The following SLC9A9 variants were observed in gnomAD, a reference collection of about 807,000 sequenced individuals.
SLC9A9 encodes the protein solute carrier family 9 member A9.
In SLC9A9, 62 loss-of-function variants were observed where a neutral mutation model predicts 77.8. That is an observed-to-expected ratio of 0.80 (90% CI 0.65 to 0.98). The LOEUF (loss-of-function observed/expected upper bound fraction) is 0.98, where lower values mean the gene tolerates loss of function less well. Among genes scored for constraint, SLC9A9 ranks in the 50% least tolerant of loss-of-function variants. The pLI is 0.00. For missense variants in SLC9A9, 775 were observed against 774.9 expected, an observed-to-expected ratio of 1.00 and a Z score of 0.00; for synonymous variants, 320 against 283.5, an observed-to-expected ratio of 1.13 and a Z score of -1.29.
chr3:143,756,022 T>C (rs898070664), intron 4 of SLC9A9, among the ~76,000 whole-genome samples: 1 of 152,204 alleles, frequency 6.6e-6, no homozygotes, highest in African/African-American at 2.4e-5. Context: ...ACTTGCTGTG[T>C]CATGCCTTAG....
chr3:143,449,789 T>TTA (rs1343299667), intron 12 of SLC9A9, among the ~76,000 whole-genome samples: 3 of 82,748 alleles, frequency 3.6e-5, no homozygotes, highest in East Asian at 3.5e-4. Flanking sequence ...TTATATATAA[T>TTA]TATATATATT....
chr3:143,500,645 A>T (rs931806266), intron 9 of SLC9A9, among the ~76,000 whole-genome samples: 5 of 152,086 alleles, frequency 3.3e-5, no homozygotes, highest in African/African-American at 1.2e-4. Context: ...TTTCCTAGCT[A>T]GCTCTTCTTG....
intron 2 of SLC9A9, among the ~76,000 whole-genome samples, chr3:143,799,237 A>ACTGCC (rs150016186): frequency 0.026 from 3,893 of 152,310 alleles, 142 homozygotes; most frequent in African/African-American, 0.075. Flanking sequence ...TAGATGCTTT[A>ACTGCC]CTGCCCTAGA....
chr3:143,794,656 G>T (rs1439556854), intron 4 of SLC9A9, among the ~76,000 whole-genome samples: 1 of 152,068 alleles, frequency 6.6e-6, no homozygotes, highest in Non-Finnish European at 1.5e-5. Flanking sequence ...TACAGGTAAG[G>T]TCTCTCAATA....
chr3:143,693,452 T>C (rs1481022424), intron 4 of SLC9A9, 145 bp from the exon 5 acceptor site: 2 of 702,160 alleles, frequency 2.8e-6, no homozygotes, highest in Non-Finnish European at 5.2e-6. Flanking sequence ...CCGTGCTAGG[T>C]CTCTGTACAC....
intron 12 of SLC9A9, among the ~76,000 whole-genome samples, chr3:143,405,936 G>A (rs1420996154): frequency 3.3e-5 from 5 of 152,132 alleles, no homozygotes; most frequent in Non-Finnish European, 5.9e-5. Flanking sequence ...GACTTTAAAC[G>A]TTTTATTTTA....
chr3:143,477,597 C>G (rs1198354227), intron 11 of SLC9A9, among the ~76,000 whole-genome samples: 3 of 152,092 alleles, frequency 2.0e-5, no homozygotes, highest in Admixed American at 2.0e-4. Context: ...CCAAACCCCA[C>G]CCAGTTCCAT....
At chr3:143,844,921 C>G (rs1197291598) in intron 1 of SLC9A9, among the ~76,000 whole-genome samples, 1 of 151,898 alleles carries the variant, frequency 6.6e-6, no homozygotes, top group African/African-American at 2.4e-5. Context: ...ACCATGCCCC[C>G]CTGCTCTTGC....
At position 143,597,071 on chromosome 3, in the gene SLC9A9, AG is replaced by A. The variant is rs146542419; in HGVS notation, c.756-18349del. Among the ~76,000 whole-genome samples, 1,163 of 152,342 alleles carry A rather than the reference AG, an allele frequency of 7.6e-3. 14 individuals carry two copies. Among genetic ancestry groups the A allele is most frequent in the African/African-American group, 0.027 (1,117 of 41,568 alleles). Reference sequence around the variant, plus strand: ...GTAAAAAGAAAGTGCCAGAACATATAGCATGAGCCATTGTAAGATACATGGA... The same window carrying A: ...GTAAAAAGAAAGTGCCAGAACATATACATGAGCCATTGTAAGATACATGGA... On this transcript the variant is annotated intron_variant, in intron 6 of 15. Coordinates refer to ENST00000316549, the MANE Select transcript of SLC9A9 (RefSeq NM_173653.4).
chr3:143,492,795 T>C (rs776941287), intron 11 of SLC9A9, among the ~76,000 whole-genome samples: 2 of 152,216 alleles, frequency 1.3e-5, no homozygotes, highest in Non-Finnish European at 1.5e-5. Context: ...CCCTAAATTG[T>C]ATTTGTTCAT....
intron 13 of SLC9A9, among the ~76,000 whole-genome samples, chr3:143,364,035 G>A (rs2108484602): frequency 6.6e-6 from 1 of 152,170 alleles, no homozygotes; most frequent in African/African-American, 2.4e-5. Context: ...ATATATTTCT[G>A]CCTAGATTAT....
At position 143,407,714 on chromosome 3, in the gene SLC9A9, C is replaced by T. The variant is rs80273227; in HGVS notation, c.1470-25600G>A. On this transcript the variant is annotated intron_variant, in intron 12 of 15. Coordinates refer to ENST00000316549, the MANE Select transcript of SLC9A9 (RefSeq NM_173653.4). Reference sequence around the variant, plus strand: ...TCCATTCCAGTTCATGACTCAAGTTCCTCCCATGGAAAAGTGATGGTCAGG... The same window carrying T: ...TCCATTCCAGTTCATGACTCAAGTTTCTCCCATGGAAAAGTGATGGTCAGG... Among the ~76,000 whole-genome samples the T allele has an allele frequency of 4.4e-3, 677 of 152,226 alleles. 15 individuals are homozygous for T. The highest frequency in any genetic ancestry group is 0.039 in the Admixed American group (591 of 15,292).
intron 6 of SLC9A9, among the ~76,000 whole-genome samples, chr3:143,595,069 T>C (rs932428186): frequency 5.3e-5 from 8 of 152,192 alleles, no homozygotes; most frequent in Admixed American, 5.2e-4. Flanking sequence ...CTAGACAGGA[T>C]GTCACTAAGA....
At chr3:143,682,843 C>G (rs1488161211) in intron 5 of SLC9A9, among the ~76,000 whole-genome samples, 2 of 152,098 alleles carry the variant, frequency 1.3e-5, no homozygotes, top group African/African-American at 4.8e-5. Flanking sequence ...TGATTGCAGC[C>G]AGGAAAAGTT....
chr3:143,269,903 T>A (rs7651367), intron 14 of SLC9A9, among the ~76,000 whole-genome samples: 53,420 of 152,130 alleles, frequency 0.35, 12,108 homozygotes, highest in African/African-American at 0.65. Context: ...ATGATCTTGG[T>A]GATGCCTCTG....
chr3:143,404,484 T>C (rs933607553), intron 12 of SLC9A9, among the ~76,000 whole-genome samples: 1 of 152,222 alleles, frequency 6.6e-6, no homozygotes, highest in African/African-American at 2.4e-5. Context: ...TGGCTTTTGT[T>C]AGTTCTTTAA....
At position 143,435,066 on chromosome 3, in the gene SLC9A9, G is replaced by T. The variant is rs2034596095; in HGVS notation, c.1469+31971C>A. Reference sequence around the variant, plus strand: ...TTCCATCCATCAGCTGGGGGAAAATGGCTTCTGCTGGCATCCCTTGACCTT... The same window carrying T: ...TTCCATCCATCAGCTGGGGGAAAATTGCTTCTGCTGGCATCCCTTGACCTT... On this transcript the variant is annotated intron_variant, in intron 12 of 15. Transcript: ENST00000316549. Among the ~76,000 whole-genome samples, 4 of 152,100 alleles carry T rather than the reference G, an allele frequency of 2.6e-5. No homozygotes were observed. In the South Asian group the frequency reaches 8.3e-4, roughly 32 times the overall value.
At chr3:143,594,581 C>T (rs534249585) in intron 6 of SLC9A9, among the ~76,000 whole-genome samples, 9 of 152,244 alleles carry the variant, frequency 5.9e-5, no homozygotes, top group South Asian at 4.2e-4. Flanking sequence ...GATGCTCCCA[C>T]CCAGAGAACT....
chr3:143,774,132 A>G (rs1248425245), intron 4 of SLC9A9, among the ~76,000 whole-genome samples: 2 of 152,224 alleles, frequency 1.3e-5, no homozygotes, highest in Non-Finnish European at 2.9e-5. Flanking sequence ...GAACTAGTAA[A>G]CATCTATTTA....
Sources: gnomAD v4.1 joint callset for allele counts (sites outside exome capture counted in the v4.1 genomes callset) on GRCh38, gnomAD v4.1.1 for gene constraint, MANE v1.5 for transcripts, NCBI Gene and HGNC (gene_info 2026-07-23, HGNC 2026-07-21) for gene names.